EML6: variants seen among roughly 807,000 people sequenced by gnomAD.
EML6 encodes echinoderm microtubule-associated protein-like 6.
Under a neutral mutation model 240.1 loss-of-function variants are expected in EML6, and 154 were observed. That is an observed-to-expected ratio of 0.64 (90% CI 0.56 to 0.73). The LOEUF is 0.73. Ranked by LOEUF, EML6 falls within the 30% of genes least tolerant of loss-of-function variation. The pLI is 0.00. For synonymous variants in EML6, 1,148 were observed against 899.0 expected, an observed-to-expected ratio of 1.28 and a Z score of -4.95; for missense variants, 2,964 against 2,474.6, an observed-to-expected ratio of 1.20 and a Z score of -4.20.
In EML6 at chr2:54,968,195, T is replaced by A. The variant is rs1047958423; in HGVS notation, c.5665T>A (p.Cys1889Ser). 1.5e-5 allele frequency: 24 copies of A among 1,551,594 alleles called. No homozygotes were observed. The African/African-American group carries it at 2.1e-4, about 13-fold the overall frequency. Reference sequence around the variant, plus strand: ...AGACAAGGCTGATGTCAACTGCGCATGTGTGACCCACGCTGGCCTGAACAT... The same window carrying A: ...AGACAAGGCTGATGTCAACTGCGCAAGTGTGACCCACGCTGGCCTGAACAT... ...NADKADVNCA[C>S]VTHAGLNIVT... Residue 1889 changes from cysteine (C) to serine (S), a missense_variant, in exon 40 of 42, where the codon TGT (cysteine) becomes AGT (serine). Cys to Ser is a moderately radical substitution (Grantham distance 112, BLOSUM62 -1). Coordinates refer to ENST00000356458, the MANE Select transcript of EML6 (RefSeq NM_001039753.4).
chr2:54,900,463 C>T (rs1455063895), intron 22 of EML6, among the ~76,000 whole-genome samples: 2 of 152,128 alleles, frequency 1.3e-5, no homozygotes, highest in African/African-American at 2.4e-5. Context: ...GATAGTGCAG[C>T]ACTATGCAGC....
chr2:54,778,196 C>A (rs1668681623), intron 2 of EML6, among the ~76,000 whole-genome samples: 1 of 152,068 alleles, frequency 6.6e-6, no homozygotes, highest in Non-Finnish European at 1.5e-5. Context: ...ATGTGCAAAT[C>A]CAGAATTAAT....
chr2:54,765,789 T>C (rs1400797394), intron 2 of EML6, among the ~76,000 whole-genome samples: 2 of 152,224 alleles, frequency 1.3e-5, no homozygotes, highest in African/African-American at 4.8e-5. Context: ...TATACCATTA[T>C]AAAATAGGTA....
At chr2:54,757,088 CTT>C (rs1458737751) in intron 2 of EML6, among the ~76,000 whole-genome samples, 1 of 151,486 alleles carries the variant, frequency 6.6e-6, no homozygotes, top group Admixed American at 6.6e-5. Context: ...TTTATACCTT[CTT>C]GTTTCAATAT....
chr2:54,879,573 G>T lies in EML6; in HGVS notation c.2371G>T (p.Gly791Cys). 6.4e-7 allele frequency: 1 copy of T among 1,551,744 alleles called. No homozygotes were observed. Among genetic ancestry groups the T allele is most frequent in the South Asian group, 1.2e-5 (1 of 83,992 alleles). Residue 791 changes from glycine (G) to cysteine (C), a missense_variant, in exon 17 of 42, where the codon GGT becomes TGT. By Grantham distance (159) the Gly-to-Cys change is radical. Coordinates refer to ENST00000356458, the MANE Select transcript of EML6 (RefSeq NM_001039753.4). Reference protein sequence around the residue: ...SADGKCLVSVGLDDFHSIVFW... With the variant: ...SADGKCLVSVCLDDFHSIVFW... The stretch of plus-strand genomic sequence containing the variant: ...CGATGGAAAATGTCTGGTGTCGGTT[G>T]GTTTAGACGATTTTCACAGTATTGT...
chr2:54,754,915 A>G (rs1684332770), intron 2 of EML6, among the ~76,000 whole-genome samples: 1 of 152,214 alleles, frequency 6.6e-6, no homozygotes, highest in South Asian at 2.1e-4. Context: ...AGTGAAAGCT[A>G]AATTTTAAAT....
In EML6 at chr2:54,827,632, C is replaced by G. The variant is rs1278161795; in HGVS notation, c.592C>G (p.Gln198Glu). Residue 198 changes from glutamine to glutamate, a missense_variant, in exon 6 of 42, where the codon CAG (glutamine) becomes GAG (glutamate). Gln to Glu is a conservative substitution (Grantham distance 29). Coordinates refer to ENST00000356458, the MANE Select transcript of EML6 (RefSeq NM_001039753.4). ...RGIFGKTGDL[Q>E]TILCLACAKE... ...GATATTTGGCAAAACAGGGGATCTT[C>G]AGACCATCCTTTGCCTTGCATGTGC... 6.4e-7 allele frequency: 1 copy of G among 1,551,684 alleles called. No individual in the cohort carries two copies. The highest frequency in any genetic ancestry group is 8.7e-7 in the Non-Finnish European group (1 of 1,146,962).
chr2:54,907,079 T>TC (rs1469514474), intron 24 of EML6, among the ~76,000 whole-genome samples: 2 of 152,118 alleles, frequency 1.3e-5, no homozygotes, highest in African/African-American at 4.8e-5. Flanking sequence ...GAACATCAGC[T>TC]ACCCCTGAAT....
intron 11 of EML6, among the ~76,000 whole-genome samples, chr2:54,857,417 G>A (rs535691176): frequency 8.6e-4 from 131 of 152,306 alleles, no homozygotes; most frequent in African/African-American, 2.9e-3. Flanking sequence ...TGAGAGACAG[G>A]TGTGGCCTTC....
chr2:54,797,180 A>AC (rs1669853838), intron 2 of EML6, among the ~76,000 whole-genome samples: 1 of 147,078 alleles, frequency 6.8e-6, no homozygotes, highest in African/African-American at 2.5e-5. Context: ...AAAAAAAAAA[A>AC]AAAAAAAAAC....
At chr2:54,824,943 A>G (rs1668516290) in intron 5 of EML6, among the ~76,000 whole-genome samples, 1 of 152,226 alleles carries the variant, frequency 6.6e-6, no homozygotes. Context: ...TGCTTCTCAA[A>G]AAGAGATAAT....
intron 2 of EML6, among the ~76,000 whole-genome samples, chr2:54,761,340 ATGAAGGTGCTTATTT>A (rs896526296): frequency 5.9e-5 from 9 of 152,192 alleles, no homozygotes; most frequent in Non-Finnish European, 1.0e-4. Context: ...AAAAGCATAA[ATGAAGGTGCTTATTT>A]TTATTAATTG....
intron 2 of EML6, among the ~76,000 whole-genome samples, chr2:54,792,540 A>C (rs1301641278): frequency 6.6e-6 from 1 of 152,222 alleles, no homozygotes; most frequent in Non-Finnish European, 1.5e-5. Flanking sequence ...GCCAGACACA[A>C]GGGGCACAGG....
intron 26 of EML6, among the ~76,000 whole-genome samples, chr2:54,919,093 T>G (rs181064065): frequency 6.6e-6 from 1 of 152,332 alleles, no homozygotes; most frequent in African/African-American, 2.4e-5. Flanking sequence ...TGGTCACGTT[T>G]GAAGGCACCT....
chr2:54,895,522 G>A (rs756268463), intron 21 of EML6, 122 bp downstream of exon 21: 3 of 897,344 alleles, frequency 3.3e-6, no homozygotes, highest in Non-Finnish European at 5.1e-6. Flanking sequence ...CACAAGAGTT[G>A]AACTAGTTAC....
intron 26 of EML6, among the ~76,000 whole-genome samples, chr2:54,926,249 C>G (rs1048823547): frequency 6.6e-6 from 1 of 152,128 alleles, no homozygotes; most frequent in East Asian, 1.9e-4. Context: ...TTACAGGCAT[C>G]CACCACCATG....
chr2:54,743,081 A>G (rs1683726066), intron 2 of EML6, among the ~76,000 whole-genome samples: 1 of 152,234 alleles, frequency 6.6e-6, no homozygotes, highest in Admixed American at 6.5e-5. Flanking sequence ...AAAGTTAATA[A>G]AAACTAGTAA....
chr2:54,741,011 G>T (rs991932899), intron 2 of EML6, among the ~76,000 whole-genome samples: 1 of 152,048 alleles, frequency 6.6e-6, no homozygotes, highest in African/African-American at 2.4e-5. Context: ...TAATCTATGG[G>T]AGAAAAATGA....
chr2:54,826,290 G>A lies in EML6; in HGVS notation c.526-1276G>A, dbSNP rs574623392. ...CATATGCAAATAGCCCTTATAACCT[G>A]AGGGGGGGCTATATCAAGGGCAGTG... is the stretch of plus-strand genomic sequence containing the variant. On this transcript the variant is annotated intron_variant, in intron 5 of 41. Transcript: ENST00000356458. Among the ~76,000 whole-genome samples the A allele has an allele frequency of 4.6e-5, 7 of 152,306 alleles. No individual in the cohort carries two copies. The South Asian group carries it at 1.5e-3, about 32-fold the overall frequency.
Sources: gnomAD v4.1 joint callset for allele counts (sites outside exome capture counted in the v4.1 genomes callset) on GRCh38, gnomAD v4.1.1 for gene constraint, MANE v1.5 for transcripts, NCBI Gene and HGNC (gene_info 2026-07-23, HGNC 2026-07-21) for gene names.